The following TTLL11 variants were observed in gnomAD, a reference collection of about 807,000 sequenced individuals.
The protein encoded by TTLL11 is tubulin polyglutamylase TTLL11.
A neutral mutation model predicts 51.7 loss-of-function variants in TTLL11; 42 were observed. The observed-to-expected ratio is 0.81, with a 90% CI of 0.64 to 1.05. The LOEUF is 1.05. Among genes scored for constraint, TTLL11 ranks in the 50% least tolerant of loss-of-function variants. The pLI, the probability that TTLL11 is intolerant of heterozygous loss-of-function variation, is 0.00. For synonymous variants in TTLL11, 381 were observed against 383.5 expected (o/e 0.99, Z 0.08); for missense variants, 799 against 940.4 (o/e 0.85, Z 1.97).
rs570798957 is a variant in TTLL11 at position 121,899,078 on chromosome 9, C to T, written c.1482-28330G>A. ...CCATGCTGTGTCAATGAGCTGCTTA[C>T]ATCACCTCCTCCCTGGGCCCCTCTG... is the stretch of plus-strand genomic sequence containing the variant. On this transcript the variant is annotated intron_variant, in intron 6 of 8. Transcript: ENST00000321582. Among the ~76,000 whole-genome samples the T allele has an allele frequency of 3.3e-5, 5 of 152,180 alleles. No homozygotes were observed. The South Asian group carries it at 1.0e-3, about 32-fold the overall frequency.
chr9:121,838,781 A>AAAGC (rs55715366), intron 8 of TTLL11, among the ~76,000 whole-genome samples: 7,777 of 139,938 alleles, frequency 0.056, 324 homozygotes, highest in African/African-American at 0.13. Flanking sequence ...AGCAAGCAAG[A>AAAGC]AAGCAAGCAA....
chr9:121,867,008 T>C (rs916484588), intron 7 of TTLL11, among the ~76,000 whole-genome samples: 17 of 152,210 alleles, frequency 1.1e-4, no homozygotes, highest in African/African-American at 3.6e-4. Context: ...GCCTATCACA[T>C]AGAGACAGAT....
At chr9:121,903,978 G>A (rs183251141) in intron 6 of TTLL11, among the ~76,000 whole-genome samples, 5 of 152,282 alleles carry the variant, frequency 3.3e-5, no homozygotes, top group East Asian at 3.9e-4. Context: ...CAAATACAAC[G>A]TGGGTTAAAT....
At chr9:122,025,639 C>G (rs1367569520) in intron 3 of TTLL11, among the ~76,000 whole-genome samples, 4 of 152,098 alleles carry the variant, frequency 2.6e-5, no homozygotes, top group African/African-American at 9.7e-5. Flanking sequence ...AATAAATAGA[C>G]TGACCATTAC....
chr9:121,942,567 T>A (rs1841516947), intron 6 of TTLL11, among the ~76,000 whole-genome samples: 1 of 150,102 alleles, frequency 6.7e-6, no homozygotes, highest in Admixed American at 6.6e-5. Flanking sequence ...TTGTAGAGTG[T>A]TGAATGAATA....
chr9:121,976,368 T>C (rs969620243), intron 4 of TTLL11, among the ~76,000 whole-genome samples: 2 of 152,222 alleles, frequency 1.3e-5, no homozygotes, highest in African/African-American at 4.8e-5. Flanking sequence ...TGGATAACTT[T>C]TGCTCATCCT....
chr9:121,866,671 AAAG>A (rs1376844397), intron 7 of TTLL11, among the ~76,000 whole-genome samples: 2 of 151,506 alleles, frequency 1.3e-5, no homozygotes, highest in Non-Finnish European at 2.9e-5. Context: ...AAAAAAAAAA[AAAG>A]AAAGAAAAGA....
chr9:122,003,482 CCTTTTTT>C (rs1763142151), intron 3 of TTLL11, among the ~76,000 whole-genome samples: 1 of 133,170 alleles, frequency 7.5e-6, no homozygotes, highest in African/African-American at 2.9e-5. Flanking sequence ...TGCATACGTT[CCTTTTTT>C]TTTTTTTTTT....
At chr9:121,982,580 G>A (rs2131675938) in intron 4 of TTLL11, among the ~76,000 whole-genome samples, 1 of 152,106 alleles carries the variant, frequency 6.6e-6, no homozygotes, top group South Asian at 2.1e-4. Flanking sequence ...AAATTCTCTG[G>A]GCGTGGTGGC....
intron 1 of TTLL11, among the ~76,000 whole-genome samples, chr9:122,064,299 TA>T (rs1163046745): frequency 1.3e-5 from 2 of 152,096 alleles, no homozygotes; most frequent in South Asian, 2.1e-4. Flanking sequence ...TCTTTTGACT[TA>T]GGGGGAGGGG....
intron 5 of TTLL11, 130 bp downstream of exon 5, chr9:121,974,754 A>T (rs2131659745): frequency 1.4e-6 from 1 of 739,944 alleles, no homozygotes. Context: ...AACTGAAATT[A>T]TTTGACTTGA....
intron 1 of TTLL11, among the ~76,000 whole-genome samples, chr9:122,074,542 CA>C (rs1170979594): frequency 6.6e-6 from 1 of 152,014 alleles, no homozygotes; most frequent in Non-Finnish European, 1.5e-5. Context: ...AATTTTCTGG[CA>C]ATGGCAGTCA....
chr9:122,006,078 G>A (rs570743454), intron 3 of TTLL11, among the ~76,000 whole-genome samples: 6 of 152,280 alleles, frequency 3.9e-5, no homozygotes, highest in Admixed American at 1.3e-4. Flanking sequence ...AGCGGCTCAC[G>A]CCTGTAATCC....
At chr9:121,954,675 G>GACACACAC (rs1554773855) in intron 6 of TTLL11, among the ~76,000 whole-genome samples, 5 of 73,932 alleles carry the variant, frequency 6.8e-5, no homozygotes, top group Admixed American at 6.4e-4. Flanking sequence ...CACACACACA[G>GACACACAC]ACGCACACAC....
intron 6 of TTLL11, among the ~76,000 whole-genome samples, chr9:121,925,469 A>G (rs1286366387): frequency 1.7e-5 from 2 of 118,080 alleles, no homozygotes; most frequent in African/African-American, 6.5e-5. Context: ...CGTTTTCTGG[A>G]CACATCAGGC....
chr9:121,879,650 C>A (rs1250757819), intron 6 of TTLL11, among the ~76,000 whole-genome samples: 1 of 152,126 alleles, frequency 6.6e-6, no homozygotes, highest in East Asian at 1.9e-4. Flanking sequence ...GACTTCTCAT[C>A]CAGAGCCTTT....
chr9:121,907,363 T>C (rs1296967655), intron 6 of TTLL11, among the ~76,000 whole-genome samples: 2 of 151,346 alleles, frequency 1.3e-5, no homozygotes, highest in Non-Finnish European at 2.9e-5. Flanking sequence ...GGCAGGAGAA[T>C]AGCTTGAACC....
In TTLL11 at chr9:122,004,113, C is replaced by T. The variant is rs183209352; in HGVS notation, c.694-14343G>A. Among the ~76,000 whole-genome samples, 1,157 of 151,662 alleles carry T rather than the reference C, an allele frequency of 7.6e-3. 6 individuals carry two copies. The highest frequency in any genetic ancestry group is 0.013 in the Non-Finnish European group (913 of 67,888). Reference sequence around the variant, plus strand: ...CTCCAGCCTGGATGACAGAGTGAGACTCCATCTCAAAAAAAAATAATAAAA... The same window carrying T: ...CTCCAGCCTGGATGACAGAGTGAGATTCCATCTCAAAAAAAAATAATAAAA... On this transcript the variant is annotated intron_variant, in intron 3 of 8. Transcript: ENST00000321582.
chr9:121,925,128 T>C (rs928149614), intron 6 of TTLL11, among the ~76,000 whole-genome samples: 1 of 152,208 alleles, frequency 6.6e-6, no homozygotes, highest in Non-Finnish European at 1.5e-5. Flanking sequence ...GGATCTCTAA[T>C]GTCACCGGCA....
Sources: gnomAD v4.1 joint callset for allele counts (sites outside exome capture counted in the v4.1 genomes callset) on GRCh38, gnomAD v4.1.1 for gene constraint, MANE v1.5 for transcripts, NCBI Gene and HGNC (gene_info 2026-07-23, HGNC 2026-07-21) for gene names.